KCTD16: variants seen among roughly 807,000 people sequenced by gnomAD.
The protein encoded by KCTD16 is BTB/POZ domain-containing protein KCTD16.
A neutral mutation model predicts 33.2 loss-of-function variants in KCTD16; 13 were observed. The ratio of observed to expected loss-of-function variants is 0.39; its 90% CI spans 0.25 to 0.62. KCTD16 has a LOEUF of 0.62. KCTD16 is among the 20% of genes least tolerant of loss of function. The pLI, the probability that KCTD16 is intolerant of heterozygous loss-of-function variation, is 0.50. For missense variants in KCTD16, 441 were observed against 525.1 expected, an observed-to-expected ratio of 0.84 and a Z score of 1.57; for synonymous variants, 197 against 195.3, an observed-to-expected ratio of 1.01 and a Z score of -0.07.
chr5:144,399,313 A>G (rs987939621), intron 3 of KCTD16, among the ~76,000 whole-genome samples: 4 of 152,062 alleles, frequency 2.6e-5, no homozygotes, highest in African/African-American at 9.7e-5. Context: ...ACCATTAACT[A>G]ATGTTTTTTT....
At chr5:144,455,905 G>C (rs368538268) in intron 3 of KCTD16, among the ~76,000 whole-genome samples, 2 of 152,146 alleles carry the variant, frequency 1.3e-5, no homozygotes, top group Non-Finnish European at 2.9e-5. Context: ...TGAACACTGT[G>C]CCCAGTATTT....
In KCTD16 at chr5:144,471,083, G is replaced by A. The variant is rs558687386; in HGVS notation, c.833-2577G>A. On this transcript the variant is annotated intron_variant, in intron 3 of 3. Transcript: ENST00000512467. ...TAGTCCCTGCTACTCAAGAGGCTGA[G>A]GCAGGAGAATCACTTGAACCTAGGA... 3.9e-5 allele frequency among the ~76,000 whole-genome samples: 6 copies of A among 152,262 alleles called. No homozygotes were observed. In the East Asian group the frequency reaches 9.7e-4, roughly 24 times the overall value.
At chr5:144,313,738 A>G (rs1293552532) in intron 3 of KCTD16, among the ~76,000 whole-genome samples, 2 of 152,168 alleles carry the variant, frequency 1.3e-5, no homozygotes, top group Non-Finnish European at 2.9e-5. Context: ...GATAAAATTT[A>G]TATACATGGG....
At chr5:144,414,616 A>T (rs556594493) in intron 3 of KCTD16, among the ~76,000 whole-genome samples, 14 of 152,372 alleles carry the variant, frequency 9.2e-5, no homozygotes, top group Admixed American at 8.5e-4. Flanking sequence ...TTGCTGGTAC[A>T]TGACCTCCAG....
At chr5:144,408,654 A>G (rs977129815) in intron 3 of KCTD16, among the ~76,000 whole-genome samples, 6 of 152,070 alleles carry the variant, frequency 3.9e-5, no homozygotes, top group Admixed American at 3.9e-4. Context: ...TATATCACTC[A>G]CTCTCAGAGC....
intron 3 of KCTD16, among the ~76,000 whole-genome samples, chr5:144,304,176 T>C (rs2126872571): frequency 6.6e-6 from 1 of 152,298 alleles, no homozygotes; most frequent in Non-Finnish European, 1.5e-5. Context: ...AATTCACTTA[T>C]TTTAGATAGA....
rs1038014161 is a variant in KCTD16 at position 144,479,939 on chromosome 5, G to C, written c.*5825G>C. On this transcript the variant is annotated 3_prime_UTR_variant, in exon 4 of 4. Transcript: ENST00000512467. ...TAAAACACTTATATGCCAACCAGAG[G>C]GTTTATTAAGTCTCTTGTCTCCAGC... 1 of 151,686 alleles carries C rather than the reference G, an allele frequency of 6.6e-6. No homozygotes were observed. The highest frequency in any genetic ancestry group is 2.1e-4 in the South Asian group (1 of 4,808). The allele number at this position is 151,686 out of a possible 1,614,324, so 9.4% of individuals were successfully genotyped here.
chr5:144,366,792 A>G (rs541106622), intron 3 of KCTD16, among the ~76,000 whole-genome samples: 25 of 152,284 alleles, frequency 1.6e-4, no homozygotes, highest in African/African-American at 6.0e-4. Flanking sequence ...CTACTCAACA[A>G]AAGTCGGTGG....
chr5:144,412,341 TA>T (rs943190461), intron 3 of KCTD16, among the ~76,000 whole-genome samples: 4 of 151,990 alleles, frequency 2.6e-5, no homozygotes, highest in African/African-American at 9.7e-5. Flanking sequence ...CATTAAGCCA[TA>T]AAAAAGAAAT....
At chr5:144,382,818 G>A (rs537535921) in intron 3 of KCTD16, among the ~76,000 whole-genome samples, 4 of 152,288 alleles carry the variant, frequency 2.6e-5, no homozygotes, top group African/African-American at 9.6e-5. Context: ...ATTTGGAGGT[G>A]CATTGAGTTA....
chr5:144,454,249 C>T (rs1166213782), intron 3 of KCTD16, among the ~76,000 whole-genome samples: 1 of 152,178 alleles, frequency 6.6e-6, no homozygotes, highest in African/African-American at 2.4e-5. Context: ...ATTTCAGTAA[C>T]AAGTTTATGC....
intron 3 of KCTD16, among the ~76,000 whole-genome samples, chr5:144,465,527 G>A (rs1038643784): frequency 6.6e-6 from 1 of 151,936 alleles, no homozygotes; most frequent in Non-Finnish European, 1.5e-5. Context: ...GGTCTCTTCT[G>A]GGTCTCACAC....
intron 2 of KCTD16, among the ~76,000 whole-genome samples, chr5:144,204,646 A>G (rs1753119018): frequency 2.0e-5 from 3 of 152,142 alleles, no homozygotes; most frequent in Admixed American, 6.5e-5. Context: ...AATTTCTTAC[A>G]GGTGAGCTAA....
chr5:144,461,305 C>A (rs1363781998), intron 3 of KCTD16, among the ~76,000 whole-genome samples: 1 of 152,108 alleles, frequency 6.6e-6, no homozygotes, highest in African/African-American at 2.4e-5. Flanking sequence ...TTGGACTCAT[C>A]ACCTTTCTTT....
In KCTD16 at chr5:144,184,204, A is replaced by G. The variant is rs571762610; in HGVS notation, c.-327+9732A>G. The stretch of plus-strand genomic sequence containing the variant: ...TCACATTGTTGTGAAACTAATCTCT[A>G]TAACTTTTTAAACTTGCAAAGTGAA... On this transcript the variant is annotated intron_variant, in intron 2 of 3. Transcript: ENST00000512467. Among the ~76,000 whole-genome samples, 107 of 152,316 alleles carry G rather than the reference A, an allele frequency of 7.0e-4. 2 individuals carry two copies. Among genetic ancestry groups the G allele is most frequent in the African/African-American group, 2.3e-3 (94 of 41,566 alleles).
At chr5:144,238,652 C>T (rs995332530) in intron 3 of KCTD16, among the ~76,000 whole-genome samples, 30 of 152,150 alleles carry the variant, frequency 2.0e-4, no homozygotes, top group African/African-American at 6.5e-4. Flanking sequence ...CTTAAGAGTG[C>T]AGTGTGTATT....
intron 3 of KCTD16, among the ~76,000 whole-genome samples, chr5:144,426,435 A>G (rs758101784): frequency 3.4e-5 from 5 of 147,200 alleles, no homozygotes; most frequent in Non-Finnish European, 6.2e-5. Context: ...CTTCATTTGC[A>G]AAAAATACAG....
At chr5:144,310,104 A>G (rs1293326123) in intron 3 of KCTD16, among the ~76,000 whole-genome samples, 2 of 151,798 alleles carry the variant, frequency 1.3e-5, no homozygotes, top group African/African-American at 4.8e-5. Context: ...CTCTACCTCC[A>G]TAAGATCCAC....
chr5:144,371,969 C>CT (rs1751977148), intron 3 of KCTD16, among the ~76,000 whole-genome samples: 1 of 152,012 alleles, frequency 6.6e-6, no homozygotes, highest in Non-Finnish European at 1.5e-5. Flanking sequence ...AATTTTTTTA[C>CT]TCTGTTATCA....
Sources: gnomAD v4.1 joint callset for allele counts (sites outside exome capture counted in the v4.1 genomes callset) on GRCh38, gnomAD v4.1.1 for gene constraint, MANE v1.5 for transcripts, NCBI Gene and HGNC (gene_info 2026-07-23, HGNC 2026-07-21) for gene names.